The following KLF16 variants were observed in gnomAD, a reference collection of about 807,000 sequenced individuals.
The protein encoded by KLF16 is Krueppel-like factor 16.
KLF16 carries 6 observed loss-of-function variants against 6.1 expected under a neutral mutation model. The observed-to-expected ratio is 0.98, with a 90% CI of 0.54 to 1.93. KLF16 has a LOEUF of 1.93. KLF16 is among the 30% of genes most tolerant of loss of function. The probability of loss-of-function intolerance (pLI) is 0.01; values close to 1 mark genes in which losing one functional copy is unlikely to be tolerated. For synonymous variants in KLF16, 211 were observed against 176.5 expected, an observed-to-expected ratio of 1.20 and a Z score of -1.55; for missense variants, 355 against 363.8, an observed-to-expected ratio of 0.98 and a Z score of 0.20.
rs1236223559 is a variant in KLF16, at chr19:1,853,622, T to C, written c.*837A>G. On this transcript the variant is annotated 3_prime_UTR_variant, in exon 2 of 2. Transcript: ENST00000250916. ...GCAGGGACTGGAGGCCCAAGCCCGG[T>C]GCCAGCCTCCCCTGCAGCCTCTCTC... 6.6e-6 allele frequency: 1 copy of C among 152,618 alleles called. No individual in the cohort carries two copies. Among genetic ancestry groups the C allele is most frequent in the Non-Finnish European group, 1.5e-5 (1 of 68,108 alleles). 9.5% of individuals were successfully genotyped at this position (152,618 alleles called of 1,614,324 possible). A position where few individuals can be genotyped will look rare whatever the true frequency, so the allele number is the denominator to read the frequency against.
In KLF16 at chr19:1,857,302, G is replaced by C. The variant is rs1057001405; in HGVS notation, c.458-2542C>G. Among the ~76,000 whole-genome samples, 1 of 152,228 alleles carries C rather than the reference G, an allele frequency of 6.6e-6. No individual in the cohort carries two copies. Among genetic ancestry groups the C allele is most frequent in the African/African-American group, 2.4e-5 (1 of 41,444 alleles). On this transcript the variant is annotated intron_variant, in intron 1 of 1. Coordinates refer to ENST00000250916, the MANE Select transcript of KLF16 (RefSeq NM_031918.4). This position sits in a 1 kb window ranked among gnomAD's most constrained non-coding sequence, Gnocchi z 4.7. ...GGAGGAGGGTGGGGTGAACTTGTGG[G>C]GGCCCAGAGCGCGCTGCTCCTAGCC...
chr19:1,870,591 CCTAGGACTGGGAGGT>C, the KLF16 span, among the ~76,000 whole-genome samples: 1 of 152,040 alleles, frequency 6.6e-6, no homozygotes, highest in African/African-American at 2.4e-5. Context: ...ATCACTCGAG[CCTAGGACTGGGAGGT>C]TGGGGCTGCA....
chr19:1,871,953 C>G, the KLF16 span, among the ~76,000 whole-genome samples: 2 of 152,116 alleles, frequency 1.3e-5, no homozygotes, highest in Admixed American at 6.5e-5. Context: ...AATCCCCCAA[C>G]CCCTGCACCC....
At position 1,854,767 on chromosome 19, in the gene KLF16, G is replaced by A. The variant is rs982467442; in HGVS notation, c.458-7C>T. ...CAAGCAAAAGGGCGTTCCCCTGGAC[G>A]GAGAGACAGAGACAGACAGCGGGTC... On this transcript the variant is annotated splice_region_variant and splice_polypyrimidine_tract_variant and intron_variant, in intron 1 of 1. Coordinates refer to ENST00000250916, the MANE Select transcript of KLF16 (RefSeq NM_031918.4). The A allele has an allele frequency of 9.4e-6, 15 of 1,597,470 alleles. No homozygotes were observed. Among genetic ancestry groups the A allele is most frequent in the African/African-American group, 1.3e-5 (1 of 74,664 alleles).
the KLF16 span, among the ~76,000 whole-genome samples, chr19:1,871,231 G>A: frequency 2.0e-5 from 3 of 152,198 alleles, no homozygotes; most frequent in Non-Finnish European, 2.9e-5. Flanking sequence ...TCAATTCTCC[G>A]TGTGTTGTCA....
intron 1 of KLF16, among the ~76,000 whole-genome samples, chr19:1,859,727 C>T (rs1027782449): frequency 6.6e-6 from 1 of 152,192 alleles, no homozygotes; most frequent in African/African-American, 2.4e-5. Context: ...CCACCACGGA[C>T]ACAGTTCCCT....
the KLF16 span, chr19:1,875,478 CA>C: frequency 6.6e-6 from 1 of 152,356 alleles, no homozygotes; most frequent in African/African-American, 2.4e-5. Context: ...CCCTCTGCCC[CA>C]GGGGAGAACT....
intron 1 of KLF16, chr19:1,860,410 C>CCTG (rs150431611): frequency 0.048 from 7,337 of 152,616 alleles, 327 homozygotes; most frequent in Non-Finnish European, 0.063. Flanking sequence ...CCCTGGCCTC[C>CCTG]CTGCTCCCAG....
the KLF16 span, among the ~76,000 whole-genome samples, chr19:1,872,997 G>A: frequency 6.6e-6 from 1 of 152,086 alleles, no homozygotes; most frequent in Admixed American, 6.5e-5. Flanking sequence ...ACAGGCAGGT[G>A]CCTGCCATAG....
At position 1,854,662 on chromosome 19, in the gene KLF16, G is replaced by A. The variant is rs780625326; in HGVS notation, c.556C>T (p.Arg186Cys). Residue 186 changes from arginine (R) to cysteine (C), a missense_variant, in exon 2 of 2, where the codon CGC becomes TGC. Transcript: ENST00000250916. ...RHHRTHTGEKRFSCPLCSKRF... is the reference protein window; with the variant it reads ...RHHRTHTGEKCFSCPLCSKRF... ...TTGGAGCACAGAGGGCAGGAGAAGCGCTTCTCGCCCGTGTGCGTCCGGTGG... is the reference window on the plus strand; with the variant it reads ...TTGGAGCACAGAGGGCAGGAGAAGCACTTCTCGCCCGTGTGCGTCCGGTGG... 2.5e-6 allele frequency: 4 copies of A among 1,600,218 alleles called. No individual in the cohort carries two copies. Among genetic ancestry groups the A allele is most frequent in the Non-Finnish European group, 1.7e-6 (2 of 1,179,570 alleles).
At chr19:1,858,008 G>T (rs992278260) in intron 1 of KLF16, among the ~76,000 whole-genome samples, 1 of 151,686 alleles carries the variant, frequency 6.6e-6, no homozygotes, top group Admixed American at 6.6e-5. Context: ...CACCCACTCT[G>T]CCCCTAGCTC....
upstream of KLF16, among the ~76,000 whole-genome samples, chr19:1,865,453 A>G (rs984335594): frequency 1.3e-5 from 2 of 152,220 alleles, no homozygotes; most frequent in African/African-American, 2.4e-5. Flanking sequence ...GTCCACACCC[A>G]ACCATGCGTC....
the KLF16 span, among the ~76,000 whole-genome samples, chr19:1,874,489 G>A: frequency 3.3e-5 from 5 of 150,850 alleles, no homozygotes; most frequent in East Asian, 7.7e-4. Flanking sequence ...TTAAATATAT[G>A]GGGAAAAAAA....
chr19:1,875,298 G>A, the KLF16 span: 1 of 152,248 alleles, frequency 6.6e-6, no homozygotes, highest in Admixed American at 6.5e-5. Flanking sequence ...ATAAAGTCTG[G>A]TGCTATAAAA....
chr19:1,868,504 A>T, upstream of KLF16, among the ~76,000 whole-genome samples: 1 of 111,272 alleles, frequency 9.0e-6, no homozygotes, highest in African/African-American at 3.5e-5. Context: ...TTTTTGAGAC[A>T]GAGTCTCACT....
chr19:1,864,997 C>T (rs1599197844), upstream of KLF16, among the ~76,000 whole-genome samples: 1 of 152,228 alleles, frequency 6.6e-6, no homozygotes, highest in Non-Finnish European at 1.5e-5. Flanking sequence ...TTCGGGGCTT[C>T]TCTAGCCCCA....
upstream of KLF16, among the ~76,000 whole-genome samples, chr19:1,867,927 C>CGTGTGTGTGTGTGTGTGTGTGTGT (rs71174389): frequency 6.8e-6 from 1 of 147,866 alleles, no homozygotes; most frequent in Non-Finnish European, 1.5e-5. Context: ...TATGTAAGGA[C>CGTGTGTGTGTGTGTGTGTGTGTGT]GTGTGTGTGT....
Position 1,857,746 on chromosome 19 carries a change from G to A in KLF16, c.458-2986C>T, listed in dbSNP as rs1373739182. On this transcript the variant is annotated intron_variant, in intron 1 of 1. Coordinates refer to ENST00000250916, the MANE Select transcript of KLF16 (RefSeq NM_031918.4). This position sits in a 1 kb window ranked among gnomAD's most constrained non-coding sequence, Gnocchi z 4.7. ...AGGTGGGGTCGGGTCTGTAGGGGAG[G>A]GCACAGGTGGGGAAGACCAGCCCCA... is the stretch of plus-strand genomic sequence containing the variant. 6.6e-6 allele frequency among the ~76,000 whole-genome samples: 1 copy of A among 152,112 alleles called. No homozygotes were observed. The highest frequency in any genetic ancestry group is 2.4e-5 in the African/African-American group (1 of 41,414).
the KLF16 span, among the ~76,000 whole-genome samples, chr19:1,870,142 G>C: frequency 6.7e-6 from 1 of 148,694 alleles, no homozygotes; most frequent in Non-Finnish European, 1.5e-5. Context: ...ACATTGGCCA[G>C]GCTGGTCTCG....
Sources: allele counts gnomAD v4.1 joint callset (sites outside exome capture counted in the v4.1 genomes callset), GRCh38; gene constraint gnomAD v4.1.1; non-coding constraint Gnocchi (gnomAD v3.1); transcripts MANE v1.5; gene names NCBI Gene and HGNC (gene_info 2026-07-23, HGNC 2026-07-21).